The following SRCAP variants were observed in gnomAD, a reference collection of about 807,000 sequenced individuals.
SRCAP encodes chromatin remodeling protein SRCAP.
A neutral mutation model predicts 263.1 loss-of-function variants in SRCAP; 46 were observed. That is an observed-to-expected ratio of 0.17 (90% CI 0.14 to 0.22). SRCAP has a LOEUF of 0.22. Among genes scored for constraint, SRCAP ranks in the 10% least tolerant of loss-of-function variants. The pLI, the probability that SRCAP is intolerant of heterozygous loss-of-function variation, is 1.00. For synonymous variants in SRCAP, 1,813 were observed against 1,662.1 expected (o/e 1.09, Z -2.21); for missense variants, 3,695 against 4,181.9 (o/e 0.88, Z 3.21).
chr16:30,701,427 A>C (rs2052764909), intron 3 of SRCAP: 1 of 152,494 alleles, frequency 6.6e-6, no homozygotes, highest in African/African-American at 2.4e-5. Context: ...GTGTTGCCAA[A>C]GTGAGCAGTA....
At chr16:30,700,905 C>T (rs754644882) in intron 3 of SRCAP, 27 bp downstream of exon 3, 2 of 1,611,844 alleles carry the variant, frequency 1.2e-6, no homozygotes, top group African/African-American at 1.3e-5. Flanking sequence ...AGTTCCTTCT[C>T]TGCTTCTGCT....
intron 31 of SRCAP, among the ~76,000 whole-genome samples, chr16:30,735,249 C>T (rs2053149608): frequency 6.8e-6 from 1 of 147,480 alleles, no homozygotes; most frequent in Non-Finnish European, 1.5e-5. Context: ...CGGGTTCACG[C>T]CATTCTCCTG....
At chr16:30,712,471 C>T in intron 13 of SRCAP, 32 bp downstream of exon 13, 2 of 1,544,208 alleles carry the variant, frequency 1.3e-6, no homozygotes, top group South Asian at 1.3e-5. Flanking sequence ...TTTTGTTCCC[C>T]CTAGTCTAGC....
Position 30,700,771 on chromosome 16 carries a change from G to A in SRCAP, c.-54G>A, listed in dbSNP as rs1187447202. The stretch of plus-strand genomic sequence containing the variant: ...CAGCCCCTCGGCCAGCAGTACTGGT[G>A]ATAACAACCCAGTCATTCTTCAGGC... On this transcript the variant is annotated 5_prime_UTR_variant, in exon 3 of 34. Coordinates refer to ENST00000262518, the MANE Select transcript of SRCAP (RefSeq NM_006662.3). The A allele has an allele frequency of 6.4e-7, 1 of 1,554,560 alleles. No individual in the cohort carries two copies. The highest frequency in any genetic ancestry group is 8.9e-7 in the Non-Finnish European group (1 of 1,127,850).
Position 30,711,934 on chromosome 16 carries a change from C to G in SRCAP, c.1592C>G (p.Ser531Cys), listed in dbSNP as rs1342209308. ...SASEESESEESEDAQSQSQAD... is the reference protein window; with the variant it reads ...SASEESESEECEDAQSQSQAD... Reference sequence around the variant, plus strand: ...TCAGAGGAATCTGAGTCTGAAGAGTCTGAGGATGCCCAATCACAGAGCCAA... The same window carrying G: ...TCAGAGGAATCTGAGTCTGAAGAGTGTGAGGATGCCCAATCACAGAGCCAA... The change falls in exon 12 of 34, where the codon TCT (serine) becomes TGT (cysteine). Residue 531 changes from serine to cysteine, a missense_variant. Transcript: ENST00000262518. 1 of 1,613,864 alleles carries G rather than the reference C, an allele frequency of 6.2e-7. No homozygotes were observed. Among genetic ancestry groups the G allele is most frequent in the Admixed American group, 1.7e-5 (1 of 59,980 alleles).
intron 33 of SRCAP, 33 bp from the exon 34 acceptor site, chr16:30,737,016 C>G (rs746500655): frequency 6.5e-7 from 1 of 1,545,686 alleles, no homozygotes; most frequent in East Asian, 2.3e-5. Context: ...CTGCTTGCCT[C>G]CTCCTGACCA....
chr16:30,704,396 C>A (rs2052803457), intron 4 of SRCAP, 81 bp downstream of exon 4: 4 of 1,494,364 alleles, frequency 2.7e-6, no homozygotes, highest in African/African-American at 1.4e-5. Flanking sequence ...TTTTATGTTT[C>A]TTTTCTTTTT....
intron 3 of SRCAP, 149 bp from the exon 4 acceptor site, chr16:30,703,915 C>G (rs749052578): frequency 1.0e-6 from 1 of 998,920 alleles, no homozygotes; most frequent in Non-Finnish European, 1.4e-6. Context: ...AAAATAAAAA[C>G]TTTATCCCGA....
Position 30,739,874 on chromosome 16 carries a change from G to A in SRCAP, c.*141G>A. ...GGCCTTCTCCCTTCTTCCCACCAAAGTAGGGGGTAGGCAACTGGTTGTCAT... is the reference window on the plus strand; with the variant it reads ...GGCCTTCTCCCTTCTTCCCACCAAAATAGGGGGTAGGCAACTGGTTGTCAT... On this transcript the variant is annotated 3_prime_UTR_variant, in exon 34 of 34. Coordinates refer to ENST00000262518, the MANE Select transcript of SRCAP (RefSeq NM_006662.3). 3.9e-6 allele frequency: 5 copies of A among 1,293,886 alleles called. No individual in the cohort carries two copies. The highest frequency in any genetic ancestry group is 5.1e-6 in the Non-Finnish European group (5 of 985,914). 80.2% of individuals were successfully genotyped at this position (1,293,886 alleles called of 1,614,324 possible).
intron 21 of SRCAP, 99 bp downstream of exon 21, chr16:30,721,575 C>T: frequency 1.4e-6 from 2 of 1,434,874 alleles, no homozygotes; most frequent in Non-Finnish European, 1.9e-6. Context: ...GGCATGATGG[C>T]TCATGCCTAT....
Position 30,721,322 on chromosome 16 carries a change from G to T in SRCAP, c.3387G>T (p.Lys1129Asn). The change falls in exon 21 of 34, where the codon AAG (lysine) becomes AAT (asparagine). Residue 1129 changes from lysine to asparagine, a missense_variant. By Grantham distance (94) the Lys-to-Asn change is moderately conservative (BLOSUM62 0). Transcript: ENST00000262518. The stretch of plus-strand genomic sequence containing the variant: ...CTCCAGGCTCCTCTAGCCTGTTGAA[G>T]CCCCTGACAGTGCCACCAGGCTACA... The part of the protein sequence containing the change: ...APPPGSSSLL[K>N]PLTVPPGYTF... 4 of 1,614,160 alleles carry T rather than the reference G, an allele frequency of 2.5e-6. No homozygotes were observed. The highest frequency in any genetic ancestry group is 3.4e-6 in the Non-Finnish European group (4 of 1,180,034).
At chr16:30,700,421 T>C (rs1372357964) in intron 2 of SRCAP, among the ~76,000 whole-genome samples, 195 bp from the exon 3 acceptor site, 1 of 152,222 alleles carries the variant, frequency 6.6e-6, no homozygotes, top group East Asian at 1.9e-4. Context: ...ACTTGGTTTT[T>C]AAGGTAGGTG....
chr16:30,722,452 A>G, intron 22 of SRCAP, 111 bp from the exon 23 acceptor site: 1 of 1,507,202 alleles, frequency 6.6e-7, no homozygotes, highest in East Asian at 2.3e-5. Context: ...GGAAGAGGTC[A>G]TTCTAGAGAA....
At chr16:30,720,085 T>C in intron 18 of SRCAP, 77 bp from the exon 19 acceptor site, 3 of 1,493,326 alleles carry the variant, frequency 2.0e-6, no homozygotes, top group East Asian at 2.3e-5. Flanking sequence ...TTAAGGATAA[T>C]GGCCTCCAGC....
chr16:30,704,892 C>G (rs1009904788), intron 4 of SRCAP, among the ~76,000 whole-genome samples: 3 of 152,154 alleles, frequency 2.0e-5, no homozygotes, highest in Admixed American at 1.3e-4. Context: ...CTGTGATGCT[C>G]TTAAGATTTA....
chr16:30,716,734 A>G (rs553821179), intron 18 of SRCAP, among the ~76,000 whole-genome samples: 9 of 152,212 alleles, frequency 5.9e-5, no homozygotes, highest in East Asian at 5.8e-4. Flanking sequence ...TCAGCTTACA[A>G]TTTTTTACTT....
chr16:30,721,305 T>A lies in SRCAP; in HGVS notation c.3370T>A (p.Ser1124Thr). Reference protein sequence around the residue: ...VRLSPAPPPGSSSLLKPLTVP... With the variant: ...VRLSPAPPPGTSSLLKPLTVP... ...CCTGAGCCCAGCCCCACCTCCAGGC[T>A]CCTCTAGCCTGTTGAAGCCCCTGAC... The change falls in exon 21 of 34, where the codon TCC becomes ACC. Residue 1124 changes from serine to threonine, a missense_variant. Physicochemically the swap from Ser to Thr is moderately conservative, Grantham distance 58. Around this residue, in one of 12 missense-constraint regions of SRCAP, gnomAD observed 1,347 missense variants for 1,304.4 expected, o/e 1.03. Transcript: ENST00000262518. 6.2e-7 allele frequency: 1 copy of A among 1,614,044 alleles called. No homozygotes were observed. Among genetic ancestry groups the A allele is most frequent in the Non-Finnish European group, 8.5e-7 (1 of 1,179,992 alleles).
intron 30 of SRCAP, 189 bp from the exon 31 acceptor site, chr16:30,734,307 C>A: frequency 1.3e-6 from 1 of 794,118 alleles, no homozygotes. Flanking sequence ...GGCGCCATTG[C>A]ACTTTAGCCT....
In SRCAP at chr16:30,734,550, G is replaced by A. The variant is rs201837401; in HGVS notation, c.6664G>A (p.Val2222Met). The change falls in exon 31 of 34, where the codon GTG becomes ATG. Residue 2222 changes from valine (V) to methionine (M), a missense_variant. Coordinates refer to ENST00000262518, the MANE Select transcript of SRCAP (RefSeq NM_006662.3). The stretch of plus-strand genomic sequence containing the variant: ...CCTGGAGGAACCTTCTAGCTCATCC[G>A]TGCCCTCTGCCCCTGAAGAGGAGGA... ...MPLEEPSSSS[V>M]PSAPEEEEET... The A allele has an allele frequency of 1.2e-4, 192 of 1,613,882 alleles. 2 individuals carry two copies. In the Admixed American group the frequency reaches 2.5e-3, roughly 21 times the overall value.
Sources: allele counts gnomAD v4.1 joint callset (sites outside exome capture counted in the v4.1 genomes callset), GRCh38; gene constraint gnomAD v4.1.1; regional missense constraint gnomAD v4.1.1; transcripts MANE v1.5; gene names NCBI Gene and HGNC (gene_info 2026-07-23, HGNC 2026-07-21).